RPL5: variants seen among roughly 807,000 people sequenced by gnomAD.
RPL5 encodes the protein large ribosomal subunit protein uL18.
RPL5 carries 1 observed loss-of-function variant against 38.4 expected under a neutral mutation model. The observed-to-expected ratio is 0.03, with a 90% CI of 0.01 to 0.12. RPL5 has a LOEUF of 0.12. Among genes scored for constraint, RPL5 ranks in the 10% least tolerant of loss-of-function variants. RPL5 has a pLI of 1.00. For missense variants in RPL5, 243 were observed against 374.1 expected, an observed-to-expected ratio of 0.65 and a Z score of 2.89; for synonymous variants, 109 against 121.2, an observed-to-expected ratio of 0.90 and a Z score of 0.66.
intron 4 of RPL5, 76 bp downstream of exon 4, chr1:92,834,989 TGGA>T (rs1687061417): frequency 2.5e-6 from 4 of 1,586,306 alleles, no homozygotes; most frequent in Admixed American, 1.7e-5. Flanking sequence ...TGTTTGTACA[TGGA>T]TAAGATAGCT....
At chr1:92,832,928 T>C in intron 1 of RPL5, 1 of 682,480 alleles carries the variant, frequency 1.5e-6, no homozygotes, top group Non-Finnish European at 2.7e-6. Flanking sequence ...GAGGCTAGGT[T>C]TTCGAAGTGG....
At chr1:92,833,175 ATT>A (rs1429571782) in intron 1 of RPL5, 4 of 650,656 alleles carry the variant, frequency 6.1e-6, no homozygotes, top group African/African-American at 5.5e-5. Context: ...CTAAGGATTC[ATT>A]TTTATTGTTT....
At chr1:92,837,680 T>G in intron 6 of RPL5, 47 bp downstream of exon 6, 2 of 1,521,464 alleles carry the variant, frequency 1.3e-6, no homozygotes, top group Non-Finnish European at 1.8e-6. Context: ...TTTATGGAAA[T>G]AGGTTTATTA....
chr1:92,836,012 T>C (rs1242697575), intron 4 of RPL5, among the ~76,000 whole-genome samples, 178 bp from the exon 5 acceptor site: 2 of 150,150 alleles, frequency 1.3e-5, no homozygotes, highest in African/African-American at 2.4e-5. Context: ...ATGTTTTAAG[T>C]TTTTTTTTTA....
rs1200276211 is a variant in RPL5, at chr1:92,834,038, A to C, written c.189+378A>C. The C allele has an allele frequency of 1.7e-5, 5 of 302,770 alleles. 1 individual carries two copies. The highest frequency in any genetic ancestry group is 6.5e-5 in the African/African-American group (3 of 45,836). 18.8% of individuals were successfully genotyped at this position (302,770 alleles called of 1,614,324 possible). ...GTTTGAGCCCCGAGGTTGAGGCTGCAGTGAAGTGAGATCACACCCAGCCCT... is the reference window on the plus strand; with the variant it reads ...GTTTGAGCCCCGAGGTTGAGGCTGCCGTGAAGTGAGATCACACCCAGCCCT... On this transcript the variant is annotated intron_variant, in intron 3 of 7. Coordinates refer to ENST00000370321, the MANE Select transcript of RPL5 (RefSeq NM_000969.5).
intron 6 of RPL5, chr1:92,837,834 T>G: frequency 1.7e-6 from 1 of 588,574 alleles, no homozygotes; most frequent in East Asian, 2.9e-5. Flanking sequence ...CCTTTTATGC[T>G]TTGGCTGTTC....
chr1:92,834,249 C>T (rs1161870638), intron 3 of RPL5, among the ~76,000 whole-genome samples: 1 of 152,120 alleles, frequency 6.6e-6, no homozygotes, highest in Admixed American at 6.5e-5. Flanking sequence ...TTAAACAGGG[C>T]TTTAAGATTG....
At chr1:92,836,452 G>A in intron 5 of RPL5, 60 bp downstream of exon 5, 1 of 1,475,514 alleles carries the variant, frequency 6.8e-7, no homozygotes, top group Non-Finnish European at 9.5e-7. Flanking sequence ...TTTTTAACTA[G>A]TTGGACTGTG....
At chr1:92,837,896 A>G (rs1248389258) in intron 6 of RPL5, 3 of 461,784 alleles carry the variant, frequency 6.5e-6, no homozygotes, top group East Asian at 4.3e-5. Flanking sequence ...GCTTTGTTGG[A>G]TAAGAGGTGC....
chr1:92,836,413 C>T (rs932454617), intron 5 of RPL5, 21 bp downstream of exon 5: 2 of 1,606,256 alleles, frequency 1.2e-6, no homozygotes, highest in African/African-American at 1.3e-5. Context: ...TATTTAAGAC[C>T]TTGGTGCCTG....
intron 3 of RPL5, among the ~76,000 whole-genome samples, chr1:92,834,351 A>G (rs182708460): frequency 7.3e-4 from 111 of 152,324 alleles, no homozygotes; most frequent in Non-Finnish European, 1.2e-3. Context: ...TTGCTCTTGT[A>G]CTAAGAGCAT....
chr1:92,836,900 G>A (rs1223990490), intron 5 of RPL5: 1 of 207,834 alleles, frequency 4.8e-6, no homozygotes, highest in Non-Finnish European at 9.9e-6. Flanking sequence ...GATATTTTTT[G>A]TTGTTGAGTC....
chr1:92,839,013 A>G (rs1687232113), intron 6 of RPL5, among the ~76,000 whole-genome samples: 1 of 147,628 alleles, frequency 6.8e-6, no homozygotes, highest in Non-Finnish European at 1.5e-5. Flanking sequence ...TAATTATTAG[A>G]TATTCAGAGA....
chr1:92,834,762 T>G lies in RPL5; in HGVS notation c.190-17T>G. 1 of 1,612,410 alleles carries G rather than the reference T, an allele frequency of 6.2e-7. No homozygotes were observed. The highest frequency in any genetic ancestry group is 8.5e-7 in the Non-Finnish European group (1 of 1,179,844). Reference sequence around the variant, plus strand: ...TGAAAGCAACAGATTACTAACCTAGTTTCTCTCTTACTATAGATTGCTTAT... The same window carrying G: ...TGAAAGCAACAGATTACTAACCTAGGTTCTCTCTTACTATAGATTGCTTAT... On this transcript the variant is annotated splice_polypyrimidine_tract_variant and intron_variant, in intron 3 of 7. Transcript: ENST00000370321.
In RPL5 at chr1:92,836,365, T is replaced by TCCAC; in HGVS notation, c.500_501insCCAC (p.Asp168HisfsTer18). The TCCAC allele has an allele frequency of 6.2e-7, 1 of 1,614,190 alleles. No homozygotes were observed. Among genetic ancestry groups the TCCAC allele is most frequent in the Non-Finnish European group, 8.5e-7 (1 of 1,180,022 alleles). ...GTTTTTGGTGCCCTGAAGGGAGCTG[T>TCCAC]GGATGGAGGCTTGTCTATCCCTCAC... On this transcript the variant is annotated frameshift_variant, in exon 5 of 8. Coordinates refer to ENST00000370321, the MANE Select transcript of RPL5 (RefSeq NM_000969.5). LOFTEE classifies it high-confidence loss of function.
intron 1 of RPL5, 182 bp from the exon 2 acceptor site, chr1:92,833,207 G>A: frequency 1.5e-6 from 1 of 652,478 alleles, no homozygotes; most frequent in Non-Finnish European, 2.8e-6. Flanking sequence ...ACTAGTCTGT[G>A]ACATGGAAGG....
intron 7 of RPL5, among the ~76,000 whole-genome samples, chr1:92,841,506 T>A (rs1687361518): frequency 6.6e-6 from 1 of 152,184 alleles, no homozygotes. Context: ...GGCAAATACC[T>A]AGAAGTGGTA....
chr1:92,835,165 T>C (rs1687068759), intron 4 of RPL5: 1 of 548,028 alleles, frequency 1.8e-6, no homozygotes, highest in Non-Finnish European at 3.3e-6. Context: ...GTTCCAGCAG[T>C]ATGTAAACTT....
intron 5 of RPL5, 76 bp downstream of exon 5, chr1:92,836,468 A>G (rs1296653534): frequency 4.4e-6 from 6 of 1,349,436 alleles, no homozygotes; most frequent in Non-Finnish European, 6.4e-6. Context: ...CTGTGGAGAT[A>G]ACCGAATTAA....
Sources: allele counts gnomAD v4.1 joint callset (sites outside exome capture counted in the v4.1 genomes callset), GRCh38; gene constraint gnomAD v4.1.1; transcripts MANE v1.5; gene names NCBI Gene and HGNC (gene_info 2026-07-23, HGNC 2026-07-21).